The following RAB21 variants were observed in gnomAD, a reference collection of about 807,000 sequenced individuals.
RAB21 encodes the protein RAB21, member RAS oncogene family.
Under a neutral mutation model 33.1 loss-of-function variants are expected in RAB21, and 13 were observed. That is an observed-to-expected ratio of 0.39 (90% CI 0.26 to 0.62). The LOEUF (loss-of-function observed/expected upper bound fraction) is 0.62, where lower values mean the gene tolerates loss of function less well. RAB21 is among the 20% of genes least tolerant of loss of function. The pLI, the probability that RAB21 is intolerant of heterozygous loss-of-function variation, is 0.48. For synonymous variants in RAB21, 91 were observed against 103.7 expected, an observed-to-expected ratio of 0.88 and a Z score of 0.74; for missense variants, 234 against 279.1, an observed-to-expected ratio of 0.84 and a Z score of 1.15.
At position 71,789,902 on chromosome 12, in the gene RAB21, A is replaced by G. The variant is rs903348259; in HGVS notation, c.*4229A>G. On this transcript the variant is annotated 3_prime_UTR_variant, in exon 7 of 7. Transcript: ENST00000261263. Reference sequence around the variant, plus strand: ...TGAGCAAAATTTTCCTAGTTGTAATATTTTAATAGTGTTATGTATTGGAAA... The same window carrying G: ...TGAGCAAAATTTTCCTAGTTGTAATGTTTTAATAGTGTTATGTATTGGAAA... 15 of 152,262 alleles carry G rather than the reference A, an allele frequency of 9.9e-5. No individual in the cohort carries two copies. The highest frequency in any genetic ancestry group is 3.4e-4 in the African/African-American group (14 of 41,592). 9.4% of individuals were successfully genotyped at this position (152,262 alleles called of 1,614,324 possible). A position where few individuals can be genotyped will look rare whatever the true frequency, so the allele number is the denominator to read the frequency against.
At chr12:71,781,622 C>CTATATCTTAGTAA (rs1409983492) in intron 4 of RAB21, among the ~76,000 whole-genome samples, 1 of 152,094 alleles carries the variant, frequency 6.6e-6, no homozygotes, top group Non-Finnish European at 1.5e-5. Flanking sequence ...TTTTAGTAAA[C>CTATATCTTAGTAA]ACTAAGATAG....
rs563008430 is a variant in RAB21 at position 71,766,034 on chromosome 12, G to GA, written c.160-3759dup. Among the ~76,000 whole-genome samples, 23 of 151,972 alleles carry GA rather than the reference G, an allele frequency of 1.5e-4. No individual in the cohort carries two copies. In the South Asian group the frequency reaches 1.7e-3, roughly 11 times the overall value. ...AGGGCTTAAGTTTTTCATTATGAAG[G>GA]AAAAAAATATTTACTAGGGATCCTT... On this transcript the variant is annotated intron_variant, in intron 1 of 6. Coordinates refer to ENST00000261263, the MANE Select transcript of RAB21 (RefSeq NM_014999.4).
chr12:71,784,216 G>A (rs1448736717), intron 6 of RAB21, among the ~76,000 whole-genome samples: 1 of 151,976 alleles, frequency 6.6e-6, no homozygotes, highest in Non-Finnish European at 1.5e-5. Flanking sequence ...TCTCAAATAC[G>A]TGTTTTGTAA....
Position 71,774,118 on chromosome 12 carries a change from G to A in RAB21, c.391+96G>A, listed in dbSNP as rs964613782. ...TTTTGTTTTAAAGTTATATGAGAAA[G>A]GAAGAATGGCATATTAATATAAATA... On this transcript the variant is annotated intron_variant, in intron 4 of 6. Transcript: ENST00000261263. 1.4e-5 allele frequency: 10 copies of A among 729,006 alleles called. No individual in the cohort carries two copies. The African/African-American group carries it at 1.7e-4, about 12-fold the overall frequency. The allele number at this position is 729,006 out of a possible 1,614,324, so 45.2% of individuals were successfully genotyped here.
chr12:71,796,902 A>G lies in RAB21; in HGVS notation c.*11229A>G, dbSNP rs1348559002. On this transcript the variant is annotated 3_prime_UTR_variant, in exon 7 of 7. Coordinates refer to ENST00000261263, the MANE Select transcript of RAB21 (RefSeq NM_014999.4). ...AACATTTTAAAGATTTGTGAGAGGA[A>G]AAAAGCATTAGATGCGATAGAATGG... 2 of 152,236 alleles carry G rather than the reference A, an allele frequency of 1.3e-5. No homozygotes were observed. Among genetic ancestry groups the G allele is most frequent in the Non-Finnish European group, 2.9e-5 (2 of 68,028 alleles). The allele number at this position is 152,236 out of a possible 1,614,324, so 9.4% of individuals were successfully genotyped here.
At position 71,793,876 on chromosome 12, in the gene RAB21, C is replaced by T. The variant is rs117796723; in HGVS notation, c.*8203C>T. On this transcript the variant is annotated 3_prime_UTR_variant, in exon 7 of 7. Transcript: ENST00000261263. ...CTTTGGTATGTTGCCTTGAGGCTGA[C>T]ATTTGCTGCTCTGCTAAGACTAAAG... is the stretch of plus-strand genomic sequence containing the variant. 1 of 152,188 alleles carries T rather than the reference C, an allele frequency of 6.6e-6. No homozygotes were observed. Among genetic ancestry groups the T allele is most frequent in the Non-Finnish European group, 1.5e-5 (1 of 68,052 alleles). 9.4% of individuals were successfully genotyped at this position (152,188 alleles called of 1,614,324 possible). A position where few individuals can be genotyped will look rare whatever the true frequency, so the allele number is the denominator to read the frequency against.
intron 3 of RAB21, among the ~76,000 whole-genome samples, 162 bp from the exon 4 acceptor site, chr12:71,773,797 C>A (rs1443747546): frequency 1.3e-5 from 2 of 151,982 alleles, no homozygotes; most frequent in Non-Finnish European, 2.9e-5. Flanking sequence ...TGCAATATAA[C>A]CTGGCAATAA....
At chr12:71,775,352 T>G (rs1448438834) in intron 4 of RAB21, among the ~76,000 whole-genome samples, 1 of 152,214 alleles carries the variant, frequency 6.6e-6, no homozygotes, top group Non-Finnish European at 1.5e-5. Flanking sequence ...TTCTGACTCT[T>G]AGGTTACTAA....
chr12:71,761,149 G>A (rs578126398), intron 1 of RAB21, among the ~76,000 whole-genome samples: 2 of 152,220 alleles, frequency 1.3e-5, no homozygotes, highest in African/African-American at 4.8e-5. Flanking sequence ...TGAGGCTGCA[G>A]TGAGCTATGA....
At chr12:71,783,699 A>G (rs1409808192) in intron 6 of RAB21, among the ~76,000 whole-genome samples, 1 of 152,190 alleles carries the variant, frequency 6.6e-6, no homozygotes, top group Non-Finnish European at 1.5e-5. Context: ...AATGCACACT[A>G]AAATATAAGA....
rs1411353672 is a variant in RAB21 at position 71,791,432 on chromosome 12, T to C, written c.*5759T>C. 1.3e-5 allele frequency: 2 copies of C among 152,338 alleles called. No homozygotes were observed. Among genetic ancestry groups the C allele is most frequent in the East Asian group, 3.9e-4 (2 of 5,188 alleles). The allele number at this position is 152,338 out of a possible 1,614,324, so 9.4% of individuals were successfully genotyped here. On this transcript the variant is annotated 3_prime_UTR_variant, in exon 7 of 7. Coordinates refer to ENST00000261263, the MANE Select transcript of RAB21 (RefSeq NM_014999.4). ...GGCTGACGGTTGACTGCTTAGTGTA[T>C]AAAATCTAGGAGTTAACTTTAGCAG...
rs545858034 is a variant in RAB21 at position 71,765,628 on chromosome 12, A to G, written c.160-4172A>G. On this transcript the variant is annotated intron_variant, in intron 1 of 6. Coordinates refer to ENST00000261263, the MANE Select transcript of RAB21 (RefSeq NM_014999.4). ...TGATCCATCTTGAGTTGATTTTTGT[A>G]TAAGGTGAGAGATGAGGATCCAATT... is the stretch of plus-strand genomic sequence containing the variant. Among the ~76,000 whole-genome samples the G allele has an allele frequency of 3.3e-4, 50 of 152,160 alleles. 2 individuals are homozygous for G. In the South Asian group the frequency reaches 9.1e-3, roughly 28 times the overall value.
At chr12:71,772,473 A>G (rs921503207) in intron 3 of RAB21, among the ~76,000 whole-genome samples, 4 of 152,198 alleles carry the variant, frequency 2.6e-5, no homozygotes, top group Non-Finnish European at 5.9e-5. Context: ...AAGATTAGCA[A>G]AGAATTTGTG....
At position 71,795,574 on chromosome 12, in the gene RAB21, A is replaced by G. The variant is rs1438353645; in HGVS notation, c.*9901A>G. On this transcript the variant is annotated 3_prime_UTR_variant, in exon 7 of 7. Coordinates refer to ENST00000261263, the MANE Select transcript of RAB21 (RefSeq NM_014999.4). ...AGCCTTTATTTGTGATCAGTAAATT[A>G]TAAATTACACAGAAGCTTCCAGCTA... 3 of 138,092 alleles carry G rather than the reference A, an allele frequency of 2.2e-5. No individual in the cohort carries two copies. Among genetic ancestry groups the G allele is most frequent in the Non-Finnish European group, 4.5e-5 (3 of 66,150 alleles). 8.6% of individuals were successfully genotyped at this position (138,092 alleles called of 1,614,324 possible).
chr12:71,798,539 G>C lies in RAB21; in HGVS notation c.*12866G>C, dbSNP rs1472469153. 6.6e-6 allele frequency: 1 copy of C among 151,914 alleles called. No homozygotes were observed. The highest frequency in any genetic ancestry group is 1.5e-5 in the Non-Finnish European group (1 of 67,992). The allele number at this position is 151,914 out of a possible 1,614,324, so 9.4% of individuals were successfully genotyped here. On this transcript the variant is annotated 3_prime_UTR_variant, in exon 7 of 7. Coordinates refer to ENST00000261263, the MANE Select transcript of RAB21 (RefSeq NM_014999.4). Reference sequence around the variant, plus strand: ...ATAAAGAACACCTAGAAATGAAAAAGTCCAATGATCCAAAAAGAAAAAGGT... The same window carrying C: ...ATAAAGAACACCTAGAAATGAAAAACTCCAATGATCCAAAAAGAAAAAGGT...
rs992485286 is a variant in RAB21, at chr12:71,788,773, A to T, written c.*3100A>T. The T allele has an allele frequency of 1.3e-5, 2 of 152,120 alleles. No individual in the cohort carries two copies. Among genetic ancestry groups the T allele is most frequent in the Non-Finnish European group, 2.9e-5 (2 of 67,994 alleles). 9.4% of individuals were successfully genotyped at this position (152,120 alleles called of 1,614,324 possible). A position where few individuals can be genotyped will look rare whatever the true frequency, so the allele number is the denominator to read the frequency against. On this transcript the variant is annotated 3_prime_UTR_variant, in exon 7 of 7. Transcript: ENST00000261263. ...CTGAATATTATGTTAAAAGTATACA[A>T]TCATTGTTTCTGTAATGATGATGGG...
chr12:71,756,780 A>G (rs1380867833), intron 1 of RAB21, among the ~76,000 whole-genome samples: 2 of 152,252 alleles, frequency 1.3e-5, no homozygotes, highest in Non-Finnish European at 2.9e-5. Flanking sequence ...TAAAGTAGTA[A>G]CAATAGCTAA....
intron 1 of RAB21, among the ~76,000 whole-genome samples, chr12:71,769,171 A>G (rs151232545): frequency 3.2e-4 from 49 of 152,324 alleles, no homozygotes; most frequent in Admixed American, 1.1e-3. Context: ...TCTTTGACTC[A>G]TTCAGACAAC....
chr12:71,763,533 A>G (rs1040485437), intron 1 of RAB21, among the ~76,000 whole-genome samples: 1 of 151,508 alleles, frequency 6.6e-6, no homozygotes, highest in Admixed American at 6.6e-5. Flanking sequence ...TTCCACTATG[A>G]TAGCCACTGA....
Sources: gnomAD v4.1 joint callset for allele counts (sites outside exome capture counted in the v4.1 genomes callset) on GRCh38, gnomAD v4.1.1 for gene constraint, MANE v1.5 for transcripts, NCBI Gene and HGNC (gene_info 2026-07-23, HGNC 2026-07-21) for gene names.